The following SH3PXD2A variants were observed in gnomAD, a reference collection of about 807,000 sequenced individuals.
The protein encoded by SH3PXD2A is SH3 and PX domain-containing protein 2A.
Under a neutral mutation model 115.2 loss-of-function variants are expected in SH3PXD2A, and 32 were observed. The ratio of observed to expected loss-of-function variants is 0.28; its 90% confidence interval spans 0.21 to 0.37. SH3PXD2A has a LOEUF of 0.37. Ranked by LOEUF, SH3PXD2A falls within the 10% of genes least tolerant of loss-of-function variation. The pLI is 1.00. For missense variants in SH3PXD2A, 1,328 were observed against 1,498.7 expected, an observed-to-expected ratio of 0.89 and a Z score of 1.88; for synonymous variants, 610 against 629.1, an observed-to-expected ratio of 0.97 and a Z score of 0.45.
intron 6 of SH3PXD2A, among the ~76,000 whole-genome samples, chr10:103,680,418 A>G (rs965950041): frequency 6.6e-6 from 1 of 151,900 alleles, no homozygotes; most frequent in Non-Finnish European, 1.5e-5. Context: ...AGCTGAAACC[A>G]CAGGTGTGTG....
At chr10:103,809,369 G>A (rs1233729546) in intron 1 of SH3PXD2A, among the ~76,000 whole-genome samples, 3 of 152,162 alleles carry the variant, frequency 2.0e-5, no homozygotes, top group Non-Finnish European at 4.4e-5. Flanking sequence ...CAGCAGAAGC[G>A]AACCCCAGAA....
intron 10 of SH3PXD2A, among the ~76,000 whole-genome samples, chr10:103,618,057 G>T (rs572560152): frequency 1.3e-5 from 2 of 152,358 alleles, no homozygotes; most frequent in South Asian, 4.1e-4. Flanking sequence ...AGAACATGCT[G>T]TGCCAACCAC....
At chr10:103,605,683 C>A in intron 14 of SH3PXD2A, 115 bp downstream of exon 14, 2 of 1,324,812 alleles carry the variant, frequency 1.5e-6, no homozygotes, top group Non-Finnish European at 2.1e-6. Context: ...CATTTCTGTA[C>A]CTTTCCTGCC....
intron 8 of SH3PXD2A, among the ~76,000 whole-genome samples, chr10:103,644,981 C>T (rs2037014285): frequency 6.6e-6 from 1 of 152,152 alleles, no homozygotes; most frequent in African/African-American, 2.4e-5. Context: ...GGTTCAGAAG[C>T]CCCCAAATGT....
At chr10:103,796,651 G>A (rs1409960221) in intron 2 of SH3PXD2A, among the ~76,000 whole-genome samples, 1 of 151,976 alleles carries the variant, frequency 6.6e-6, no homozygotes, top group Non-Finnish European at 1.5e-5. Flanking sequence ...GCTGCCTGGG[G>A]GGCCTCAGCA....
Position 103,640,921 on chromosome 10 carries a change from C to T in SH3PXD2A, c.605-13719G>A, listed in dbSNP as rs879725540. 2.6e-5 allele frequency among the ~76,000 whole-genome samples: 4 copies of T among 152,172 alleles called. No homozygotes were observed. In the East Asian group the frequency reaches 7.8e-4, roughly 30 times the overall value. ...TGATCCCCCAGGGCCCTGGGGGCTA[C>T]AGGGAAGCACTGACAGATCCACAGC... On this transcript the variant is annotated intron_variant, in intron 8 of 14. Transcript: ENST00000369774.
At chr10:103,762,558 C>T (rs1274757624) in intron 3 of SH3PXD2A, among the ~76,000 whole-genome samples, 1 of 152,214 alleles carries the variant, frequency 6.6e-6, no homozygotes, top group Non-Finnish European at 1.5e-5. Flanking sequence ...TGGAGTAACT[C>T]TCTGCCCCTT....
Position 103,602,803 on chromosome 10 carries a change from C to A in SH3PXD2A, c.2415G>T (p.Gln805His). Residue 805 changes from glutamine to histidine, a missense_variant, in exon 15 of 15, where the codon CAG (glutamine) becomes CAT (histidine). By Grantham distance (24) the Gln-to-His change is conservative (BLOSUM62 0). Coordinates refer to ENST00000369774, the MANE Select transcript of SH3PXD2A (RefSeq NM_001394015.1). ...SKSEDSELPPQTASEAPSEGS... is the reference protein window; with the variant it reads ...SKSEDSELPPHTASEAPSEGS... ...CCTCACTGGGAGCCTCGGAGGCCGT[C>A]TGCGGGGGCAGCTCCGAATCCTCAC... 6.2e-7 allele frequency: 1 copy of A among 1,614,168 alleles called. No homozygotes were observed. Among genetic ancestry groups the A allele is most frequent in the Non-Finnish European group, 8.5e-7 (1 of 1,180,026 alleles).
At chr10:103,710,238 C>T (rs2038031628) in intron 5 of SH3PXD2A, among the ~76,000 whole-genome samples, 1 of 151,674 alleles carries the variant, frequency 6.6e-6, no homozygotes, top group South Asian at 2.1e-4. Flanking sequence ...GCCAAAAATA[C>T]AAAAAATTAG....
intron 1 of SH3PXD2A, among the ~76,000 whole-genome samples, chr10:103,843,722 G>A (rs1409055663): frequency 2.6e-5 from 4 of 152,148 alleles, no homozygotes; most frequent in Non-Finnish European, 5.9e-5. Context: ...TATGTGACGA[G>A]CTCCCTAGCT....
intron 2 of SH3PXD2A, among the ~76,000 whole-genome samples, chr10:103,790,001 C>T (rs74157345): frequency 0.046 from 7,054 of 152,188 alleles, 201 homozygotes; most frequent in South Asian, 0.11. Flanking sequence ...GAGCCACCAG[C>T]GACCTTTCTG....
At chr10:103,718,757 C>A in intron 5 of SH3PXD2A, among the ~76,000 whole-genome samples, 1 of 99,442 alleles carries the variant, frequency 1.0e-5, no homozygotes, top group Non-Finnish European at 2.1e-5. Context: ...TCCCCCCAAT[C>A]AGGACACACA....
chr10:103,620,232 G>A lies in SH3PXD2A; in HGVS notation c.802+2238C>T, dbSNP rs933238610. Among the ~76,000 whole-genome samples, 2 of 152,206 alleles carry A rather than the reference G, an allele frequency of 1.3e-5. No homozygotes were observed. Among genetic ancestry groups the A allele is most frequent in the Non-Finnish European group, 2.9e-5 (2 of 68,026 alleles). The stretch of plus-strand genomic sequence containing the variant: ...CTCCAGTGGGATCCTCCGGGCTTCT[G>A]GGAAGCACTGGGGCCGTGAACACTG... On this transcript the variant is annotated intron_variant, in intron 10 of 14. Coordinates refer to ENST00000369774, the MANE Select transcript of SH3PXD2A (RefSeq NM_001394015.1). The surrounding 1 kb of genome is among the most constrained non-coding windows in gnomAD (Gnocchi z 5.3).
At chr10:103,837,633 G>A (rs904042620) in intron 1 of SH3PXD2A, among the ~76,000 whole-genome samples, 9 of 152,202 alleles carry the variant, frequency 5.9e-5, no homozygotes, top group African/African-American at 9.7e-5. Context: ...ACTCAGGTGA[G>A]CCCAGGGGAC....
chr10:103,775,395 TG>T (rs766650875), intron 2 of SH3PXD2A, among the ~76,000 whole-genome samples: 1 of 152,138 alleles, frequency 6.6e-6, no homozygotes, highest in Non-Finnish European at 1.5e-5. Flanking sequence ...ATTAAGTGGG[TG>T]TCAACCTGCT....
chr10:103,821,638 G>A (rs1332575041), intron 1 of SH3PXD2A, among the ~76,000 whole-genome samples: 8 of 146,166 alleles, frequency 5.5e-5, no homozygotes, highest in Admixed American at 1.4e-4. Context: ...CTGCAGCCTC[G>A]ACCTCCTGGG....
At position 103,627,681 on chromosome 10, in the gene SH3PXD2A, C is replaced by A. The variant is rs2036718941; in HGVS notation, c.605-479G>T. The stretch of plus-strand genomic sequence containing the variant: ...TTTCCCCATCGCGGGTCAGCGGTAC[C>A]TTCGCATTGGTGCCACTCACAGCTG... On this transcript the variant is annotated intron_variant, in intron 8 of 14. Transcript: ENST00000369774. The surrounding 1 kb of genome is among the most constrained non-coding windows in gnomAD (Gnocchi z 4.4). Among the ~76,000 whole-genome samples, 1 of 152,242 alleles carries A rather than the reference C, an allele frequency of 6.6e-6. No individual in the cohort carries two copies. The highest frequency in any genetic ancestry group is 2.4e-5 in the African/African-American group (1 of 41,472).
At chr10:103,843,692 T>C (rs1036633090) in intron 1 of SH3PXD2A, among the ~76,000 whole-genome samples, 6 of 152,168 alleles carry the variant, frequency 3.9e-5, no homozygotes, top group African/African-American at 1.4e-4. Flanking sequence ...ATTCAGCCCT[T>C]TGGGGTTTTA....
intron 8 of SH3PXD2A, among the ~76,000 whole-genome samples, chr10:103,638,142 C>G (rs904852017): frequency 2.0e-5 from 3 of 152,216 alleles, no homozygotes; most frequent in African/African-American, 7.2e-5. Flanking sequence ...ATGAGCCACT[C>G]AGCGGGTCCT....
Sources: allele counts gnomAD v4.1 joint callset (sites outside exome capture counted in the v4.1 genomes callset), GRCh38; gene constraint gnomAD v4.1.1; non-coding constraint Gnocchi (gnomAD v3.1); transcripts MANE v1.5; gene names NCBI Gene and HGNC (gene_info 2026-07-23, HGNC 2026-07-21).